Variants in DIS3L2 observed in about 807,000 individuals in gnomAD.
DIS3L2 encodes DIS3 like 3'-5' exoribonuclease 2.
In DIS3L2, 34 loss-of-function variants were observed where a neutral mutation model predicts 97.5. The ratio of observed to expected loss-of-function variants is 0.35; its 90% CI spans 0.27 to 0.46. The LOEUF is 0.46. Among genes scored for constraint, DIS3L2 ranks in the 20% least tolerant of loss-of-function variants. The probability of loss-of-function intolerance (pLI) is 1.00; values close to 1 mark genes in which losing one functional copy is unlikely to be tolerated. For missense variants in DIS3L2, 1,038 were observed against 1,146.0 expected, an observed-to-expected ratio of 0.91 and a Z score of 1.36; for synonymous variants, 435 against 445.2, an observed-to-expected ratio of 0.98 and a Z score of 0.29.
At chr2:232,054,296 A>C (rs1695487834) in intron 5 of DIS3L2, among the ~76,000 whole-genome samples, 1 of 152,216 alleles carries the variant, frequency 6.6e-6, no homozygotes. Context: ...TACTGTCCTC[A>C]TGGAACATAC....
chr2:232,259,918 C>T (rs1693672729), intron 12 of DIS3L2: 1 of 152,230 alleles, frequency 6.6e-6, no homozygotes, highest in Non-Finnish European at 1.5e-5. Flanking sequence ...AGGCATGAGC[C>T]ACCGTGCTTG....
chr2:232,071,071 C>T (rs543389177), intron 5 of DIS3L2, among the ~76,000 whole-genome samples: 21 of 152,288 alleles, frequency 1.4e-4, no homozygotes, highest in Admixed American at 7.8e-4. Flanking sequence ...GGCTCCTTAA[C>T]GGGTGCTGAT....
At chr2:231,978,303 T>C (rs1197755906) in intron 1 of DIS3L2, among the ~76,000 whole-genome samples, 1 of 152,256 alleles carries the variant, frequency 6.6e-6, no homozygotes, top group Non-Finnish European at 1.5e-5. Context: ...TGAGGTAATC[T>C]GAATTTTGTG....
intron 13 of DIS3L2, among the ~76,000 whole-genome samples, chr2:232,285,674 G>A (rs1355111099): frequency 6.6e-6 from 1 of 152,180 alleles, no homozygotes; most frequent in African/African-American, 2.4e-5. Context: ...GGCCGGGGTT[G>A]ATTTATGTAT....
At chr2:232,323,530 T>G (rs888443207) in intron 14 of DIS3L2, among the ~76,000 whole-genome samples, 1 of 152,164 alleles carries the variant, frequency 6.6e-6, no homozygotes, top group Non-Finnish European at 1.5e-5. Context: ...GGCCCTGCCA[T>G]GGACTGAGCC....
chr2:232,170,040 G>C lies in DIS3L2; in HGVS notation c.1124+6408G>C, dbSNP rs78018902. ...TGGACCTTCAGCTCTAGTCTCTGGA[G>C]AGTCCCTGCTTGCATGGCCTAGACC... is the stretch of plus-strand genomic sequence containing the variant. On this transcript the variant is annotated intron_variant, in intron 9 of 20. Transcript: ENST00000325385. 5.5e-3 allele frequency among the ~76,000 whole-genome samples: 837 copies of C among 152,274 alleles called. 3 individuals are homozygous for C. Among genetic ancestry groups the C allele is most frequent in the African/African-American group, 9.6e-3 (401 of 41,562 alleles).
intron 1 of DIS3L2, among the ~76,000 whole-genome samples, chr2:231,964,599 G>A (rs1364797528): frequency 1.3e-5 from 2 of 152,180 alleles, no homozygotes; most frequent in Non-Finnish European, 2.9e-5. Context: ...TGATGATGGA[G>A]CTAAAACTGA....
At chr2:232,210,467 C>T in intron 10 of DIS3L2, 62 bp downstream of exon 10, 1 of 1,461,852 alleles carries the variant, frequency 6.8e-7, no homozygotes, top group Non-Finnish European at 9.6e-7. Context: ...GTGTGGTTAG[C>T]CTGGCTGCCC....
At position 232,238,615 on chromosome 2, in the gene DIS3L2, G is replaced by T. The variant is rs1168843180; in HGVS notation, c.1287G>T (p.Glu429Asp). The change falls in exon 11 of 21, where the codon GAG (glutamate) becomes GAT (aspartate). Residue 429 changes from glutamate to aspartate, a missense_variant. Physicochemically the swap from Glu to Asp is conservative, Grantham distance 45. This residue lies in a region of DIS3L2 where 813 missense variants were observed against 880.1 expected (regional missense o/e 0.92). Coordinates refer to ENST00000325385, the MANE Select transcript of DIS3L2 (RefSeq NM_152383.5). ...CTGATCTGGATAAAGTGGCTGCCGA[G>T]AGGGCTACAAGCGTCTACTTGGTTC... ...EGSDLDKVAA[E>D]RATSVYLVQK... 1 of 1,614,202 alleles carries T rather than the reference G, an allele frequency of 6.2e-7. No homozygotes were observed. Among genetic ancestry groups the T allele is most frequent in the Non-Finnish European group, 8.5e-7 (1 of 1,180,032 alleles).
intron 16 of DIS3L2, among the ~76,000 whole-genome samples, chr2:232,331,368 A>T (rs530324278): frequency 0.011 from 1,737 of 152,238 alleles, 31 homozygotes; most frequent in African/African-American, 0.039. Flanking sequence ...GGAGCAGTGG[A>T]TGCTGATGGG....
chr2:232,258,092 T>G (rs1018931509), intron 12 of DIS3L2, among the ~76,000 whole-genome samples: 2 of 152,188 alleles, frequency 1.3e-5, no homozygotes, highest in Admixed American at 6.5e-5. Context: ...CCGGTCTTAC[T>G]TAGTACAGTA....
At position 232,060,884 on chromosome 2, in the gene DIS3L2, G is replaced by A. The variant is rs561530032; in HGVS notation, c.367-26603G>A. ...AGATGTCTTTTATTTCTTTGGTTAAGCTAATTTCAAGGTATTTAATTTTAT... is the reference window on the plus strand; with the variant it reads ...AGATGTCTTTTATTTCTTTGGTTAAACTAATTTCAAGGTATTTAATTTTAT... On this transcript the variant is annotated intron_variant, in intron 5 of 20. Transcript: ENST00000325385. 2.6e-5 allele frequency among the ~76,000 whole-genome samples: 4 copies of A among 152,116 alleles called. No homozygotes were observed. In the South Asian group the frequency reaches 6.2e-4, roughly 24 times the overall value.
intron 14 of DIS3L2, among the ~76,000 whole-genome samples, chr2:232,306,466 T>A (rs1437215728): frequency 6.6e-6 from 1 of 152,238 alleles, no homozygotes; most frequent in African/African-American, 2.4e-5. Context: ...TTAATTTTTT[T>A]TTCACTTCAA....
rs1481292240 is a variant in DIS3L2 at position 232,308,514 on chromosome 2, C to T, written c.1739+8395C>T. ...ACTCATTTTGGGACCTTGAAACACACATCATTAAACTTACTAGCTGGCCTC... is the reference window on the plus strand; with the variant it reads ...ACTCATTTTGGGACCTTGAAACACATATCATTAAACTTACTAGCTGGCCTC... On this transcript the variant is annotated intron_variant, in intron 14 of 20. Transcript: ENST00000325385. 6.6e-5 allele frequency among the ~76,000 whole-genome samples: 10 copies of T among 152,226 alleles called. 1 individual carries two copies. Among genetic ancestry groups the T allele is most frequent in the African/African-American group, 2.4e-4 (10 of 41,454 alleles).
intron 6 of DIS3L2, among the ~76,000 whole-genome samples, chr2:232,116,184 G>GAATAAATA (rs74584053): frequency 0.074 from 2,643 of 35,600 alleles, 37 homozygotes; most frequent in African/African-American, 0.1. Flanking sequence ...ATAAATAAAT[G>GAATAAATA]AATAAATAAA....
intron 8 of DIS3L2, among the ~76,000 whole-genome samples, chr2:232,149,013 G>A (rs1157332230): frequency 6.7e-6 from 1 of 148,556 alleles, no homozygotes; most frequent in Non-Finnish European, 1.5e-5. Context: ...TTCTATAAAT[G>A]ATGGCTGTAG....
rs191662777 is a variant in DIS3L2, at chr2:232,263,306, C to T, written c.1525C>T (p.Pro509Ser). 1.3e-5 allele frequency: 21 copies of T among 1,614,130 alleles called. No individual in the cohort carries two copies. The East Asian group carries it at 4.7e-4, about 36-fold the overall frequency. ...GATTGAAAGCCCAACTGAGAAAATC[C>T]CTGCGAAAGAGCTGCCCCCCATTTC... is the stretch of plus-strand genomic sequence containing the variant. ...SMIESPTEKI[P>S]AKELPPISPE... The change falls in exon 13 of 21, where the codon CCT becomes TCT. Residue 509 changes from proline to serine, a missense_variant. Coordinates refer to ENST00000325385, the MANE Select transcript of DIS3L2 (RefSeq NM_152383.5).
At chr2:232,047,385 T>G (rs1296844803) in intron 5 of DIS3L2, among the ~76,000 whole-genome samples, 1 of 152,210 alleles carries the variant, frequency 6.6e-6, no homozygotes, top group African/African-American at 2.4e-5. Context: ...TCTGAAACTT[T>G]AAATGACTAT....
rs1694597461 is a variant in DIS3L2 at position 232,024,269 on chromosome 2, T to G, written c.211-8T>G. ...AGATTTTCACAAACTTTATTTTTTG[T>G]TTTAAAGGGTGTATTGAGAATTAAT... On this transcript the variant is annotated splice_polypyrimidine_tract_variant and splice_region_variant and intron_variant, in intron 3 of 20. Transcript: ENST00000325385. The G allele has an allele frequency of 6.3e-7, 1 of 1,584,300 alleles. No individual in the cohort carries two copies. The highest frequency in any genetic ancestry group is 8.6e-7 in the Non-Finnish European group (1 of 1,165,242).
Sources: allele counts gnomAD v4.1 joint callset (sites outside exome capture counted in the v4.1 genomes callset), GRCh38; gene constraint gnomAD v4.1.1; regional missense constraint gnomAD v4.1.1; transcripts MANE v1.5; gene names NCBI Gene and HGNC (gene_info 2026-07-23, HGNC 2026-07-21).